Variants in RFC1 observed in about 807,000 individuals in gnomAD.
The protein encoded by RFC1 is A1 140 kDa subunit.
Under a neutral mutation model 137.4 loss-of-function variants are expected in RFC1, and 37 were observed. The observed-to-expected ratio is 0.27, with a 90% CI of 0.21 to 0.35. The LOEUF is 0.35. Among genes scored for constraint, RFC1 ranks in the 10% least tolerant of loss-of-function variants. The pLI, the probability that RFC1 is intolerant of heterozygous loss-of-function variation, is 1.00. For missense variants in RFC1, 1,205 were observed against 1,358.5 expected (o/e 0.89, Z 1.78); for synonymous variants, 429 against 455.7 (o/e 0.94, Z 0.75).
intron 22 of RFC1, among the ~76,000 whole-genome samples, chr4:39,295,260 A>C (rs888823593): frequency 9.9e-5 from 15 of 152,222 alleles, no homozygotes; most frequent in African/African-American, 3.4e-4. Context: ...TAAATAGTTC[A>C]ATTATTTTCC....
rs1479332103 is a variant in RFC1 at position 39,348,455 on chromosome 4, A to AACGG, written c.132+2892_132+2893insCCGT. Among the ~76,000 whole-genome samples the AACGG allele has an allele frequency of 1.8e-4, 23 of 127,456 alleles. 1 individual carries two copies. The highest frequency in any genetic ancestry group is 4.5e-3 in the Middle Eastern group (1 of 222). 83.6% of individuals were successfully genotyped at this position (127,456 alleles called of 152,430 possible). On this transcript the variant is annotated intron_variant, in intron 2 of 24. Coordinates refer to ENST00000349703, the MANE Select transcript of RFC1 (RefSeq NM_002913.5). Reference sequence around the variant, plus strand: ...AAAAGAAAAGAAAAGAAAAGAAAAGAAAAGAAAAGAAAAGAAAAGAAAAGA... The same window carrying AACGG: ...AAAAGAAAAGAAAAGAAAAGAAAAGAACGGAAAGAAAAGAAAAGAAAAGAAAAGA...
intron 1 of RFC1, among the ~76,000 whole-genome samples, chr4:39,362,115 G>A (rs1309783716): frequency 6.6e-6 from 1 of 152,038 alleles, no homozygotes; most frequent in Non-Finnish European, 1.5e-5. Context: ...CAAATGAAGT[G>A]TAAAACTCAC....
intron 4 of RFC1, among the ~76,000 whole-genome samples, chr4:39,337,499 T>C (rs1740417895): frequency 6.6e-6 from 1 of 151,576 alleles, no homozygotes; most frequent in African/African-American, 2.4e-5. Context: ...AATTTAAAAT[T>C]ATTAATTTAA....
chr4:39,343,341 G>C (rs13137902), intron 3 of RFC1, among the ~76,000 whole-genome samples: 64,270 of 152,042 alleles, frequency 0.42, 16,284 homozygotes, highest in East Asian at 0.63. Flanking sequence ...CTATTTTTAA[G>C]GTCATCTGAT....
chr4:39,365,337 C>A, intron 1 of RFC1: 1 of 361,818 alleles, frequency 2.8e-6, no homozygotes, highest in Non-Finnish European at 3.8e-6. Context: ...AATGTTGTCA[C>A]TGTGACACGT....
chr4:39,342,932 C>A (rs1347650769), intron 3 of RFC1, among the ~76,000 whole-genome samples: 1 of 152,224 alleles, frequency 6.6e-6, no homozygotes, highest in Non-Finnish European at 1.5e-5. Flanking sequence ...ATCCTCTAAT[C>A]TTCCTCCACA....
intron 2 of RFC1, among the ~76,000 whole-genome samples, chr4:39,348,438 A>AGGAAAG (rs1332245085): frequency 9.5e-6 from 1 of 104,934 alleles, no homozygotes; most frequent in Non-Finnish European, 2.1e-5. Context: ...AGAAAAGAAA[A>AGGAAAG]GAAAAGAAAA....
At chr4:39,334,736 A>G (rs1430130621) in intron 4 of RFC1, among the ~76,000 whole-genome samples, 1 of 152,214 alleles carries the variant, frequency 6.6e-6, no homozygotes, top group African/African-American at 2.4e-5. Flanking sequence ...TTGAACACTT[A>G]GATTTTCCCT....
rs749719474 is a variant in RFC1, at chr4:39,342,440, A to G, written c.236T>C (p.Val79Ala). Residue 79 changes from valine to alanine, a missense_variant, in exon 4 of 25, where the codon GTA (valine) becomes GCA (alanine). Transcript: ENST00000349703. ...SDSESEETLQ[V>A]KNAKKPPEKL... ...TTCTGGTGGCTTTTTGGCATTTTTT[A>G]CCTGCAACGTCTCCTCTGACTCTGA... is the stretch of plus-strand genomic sequence containing the variant. 6.2e-7 allele frequency: 1 copy of G among 1,613,240 alleles called. No homozygotes were observed. Among genetic ancestry groups the G allele is most frequent in the African/African-American group, 1.3e-5 (1 of 75,006 alleles).
In RFC1 at chr4:39,316,920, G is replaced by T; in HGVS notation, c.1198C>A (p.Pro400Thr). The T allele has an allele frequency of 6.2e-7, 1 of 1,609,044 alleles. No homozygotes were observed. Among genetic ancestry groups the T allele is most frequent in the East Asian group, 2.2e-5 (1 of 44,850 alleles). The change falls in exon 10 of 25, where the codon CCA becomes ACA. Residue 400 changes from proline (P) to threonine (T), a missense_variant. Physicochemically the swap from Pro to Thr is conservative, Grantham distance 38. Transcript: ENST00000349703. ...GPKALGSKEI[P>T]KGAENCLEGL... ...TGCCCTCTCAGTACTCTTACCTTTGGTATTTCTTTGGAGCCCAGAGCCTTG... is the reference window on the plus strand; with the variant it reads ...TGCCCTCTCAGTACTCTTACCTTTGTTATTTCTTTGGAGCCCAGAGCCTTG...
intron 2 of RFC1, among the ~76,000 whole-genome samples, chr4:39,346,961 G>A (rs1740890954): frequency 6.6e-6 from 1 of 152,222 alleles, no homozygotes; most frequent in Admixed American, 6.5e-5. Flanking sequence ...GGGGAGACAA[G>A]AGTTTGGAGC....
At chr4:39,311,882 A>G (rs973003780) in intron 11 of RFC1, among the ~76,000 whole-genome samples, 5 of 152,206 alleles carry the variant, frequency 3.3e-5, no homozygotes, top group South Asian at 2.1e-4. Flanking sequence ...ACCTTCTCCC[A>G]TATTTAATGC....
At chr4:39,317,740 T>G (rs1004582802) in intron 9 of RFC1, 1 of 152,224 alleles carries the variant, frequency 6.6e-6, no homozygotes, top group Non-Finnish European at 1.5e-5. Context: ...ATATCTTAGA[T>G]AGCTCTCATT....
chr4:39,316,906 T>C lies in RFC1; in HGVS notation c.1203+9A>G. 1 of 1,584,794 alleles carries C rather than the reference T, an allele frequency of 6.3e-7. No homozygotes were observed. The highest frequency in any genetic ancestry group is 1.7e-4 in the Middle Eastern group (1 of 5,982). On this transcript the variant is annotated intron_variant, in intron 10 of 24. Transcript: ENST00000349703. ...CTCACAGAATGGCATGCCCTCTCAGTACTCTTACCTTTGGTATTTCTTTGG... is the reference window on the plus strand; with the variant it reads ...CTCACAGAATGGCATGCCCTCTCAGCACTCTTACCTTTGGTATTTCTTTGG...
chr4:39,291,897 C>T (rs745801642), intron 22 of RFC1, 45 bp from the exon 23 acceptor site: 2 of 1,389,954 alleles, frequency 1.4e-6, no homozygotes, highest in South Asian at 2.3e-5. Flanking sequence ...AAAGTATCAA[C>T]TCAAGTCATA....
intron 4 of RFC1, among the ~76,000 whole-genome samples, chr4:39,334,509 AC>A (rs1287418820): frequency 6.6e-6 from 1 of 152,248 alleles, no homozygotes; most frequent in African/African-American, 2.4e-5. Flanking sequence ...TAAATATTTT[AC>A]AATCCTACAC....
intron 4 of RFC1, among the ~76,000 whole-genome samples, chr4:39,338,351 A>T (rs1168335727): frequency 6.6e-6 from 1 of 152,230 alleles, no homozygotes; most frequent in Non-Finnish European, 1.5e-5. Context: ...GTATAATAAT[A>T]TAAGCAAAAA....
chr4:39,312,887 G>A lies in RFC1; in HGVS notation c.1248C>T (p.Gly416=), dbSNP rs777388585. The change falls in exon 11 of 25, where the codon GGC becomes GGT. Residue 416 remains glycine (G), a synonymous_variant. Coordinates refer to ENST00000349703, the MANE Select transcript of RFC1 (RefSeq NM_002913.5). ...CATCTCGTTCAATAGACTCCAGCAC[G>A]CCTGTGATTACAAATATAAGGCCTT... ...CLEGLIFVIT[G]VLESIERDEA... 1.4e-5 allele frequency: 23 copies of A among 1,613,710 alleles called. No individual in the cohort carries two copies. Among genetic ancestry groups the A allele is most frequent in the East Asian group, 2.2e-5 (1 of 44,888 alleles).
At chr4:39,343,688 CA>C (rs1346378220) in intron 3 of RFC1, among the ~76,000 whole-genome samples, 2 of 152,196 alleles carry the variant, frequency 1.3e-5, no homozygotes, top group African/African-American at 4.8e-5. Context: ...GTACTTCTTT[CA>C]AATTCTTTAC....
Sources: gnomAD v4.1 joint callset for allele counts (sites outside exome capture counted in the v4.1 genomes callset) on GRCh38, gnomAD v4.1.1 for gene constraint, MANE v1.5 for transcripts, NCBI Gene and HGNC (gene_info 2026-07-23, HGNC 2026-07-21) for gene names.